The following CDH23 variants were observed in gnomAD, a reference collection of about 807,000 sequenced individuals.
The protein encoded by CDH23 is cadherin related 23.
A neutral mutation model predicts 317.1 loss-of-function variants in CDH23; 189 were observed. The ratio of observed to expected loss-of-function variants is 0.60; its 90% CI spans 0.53 to 0.67. The LOEUF is 0.67. Among genes scored for constraint, CDH23 ranks in the 30% least tolerant of loss-of-function variants. CDH23 has a pLI of 0.00. For synonymous variants in CDH23, 1,839 were observed against 1,876.8 expected, an observed-to-expected ratio of 0.98 and a Z score of 0.52; for missense variants, 4,401 against 4,592.4, an observed-to-expected ratio of 0.96 and a Z score of 1.20.
chr10:71,686,141 G>A (rs994112430), intron 18 of CDH23, among the ~76,000 whole-genome samples: 6 of 152,078 alleles, frequency 3.9e-5, no homozygotes, highest in Non-Finnish European at 8.8e-5. Flanking sequence ...AGAGCGAGCC[G>A]CTGATTTAGA....
intron 3 of CDH23, among the ~76,000 whole-genome samples, chr10:71,497,676 C>G (rs904741570): frequency 6.6e-6 from 1 of 152,162 alleles, no homozygotes; most frequent in African/African-American, 2.4e-5. Context: ...GAAAACAGAG[C>G]CTTAATATCG....
rs1049040581 is a variant in CDH23 at position 71,815,420 on chromosome 10, C to T, written c.*142C>T. Reference sequence around the variant, plus strand: ...ACCTTGGCTTGGCCCTGGCAGCCCGCATCAGCTGCTCAGATCCCACTTTTG... The same window carrying T: ...ACCTTGGCTTGGCCCTGGCAGCCCGTATCAGCTGCTCAGATCCCACTTTTG... On this transcript the variant is annotated 3_prime_UTR_variant, in exon 70 of 70. Transcript: ENST00000224721. The T allele has an allele frequency of 1.4e-6, 1 of 691,310 alleles. No individual in the cohort carries two copies. The highest frequency in any genetic ancestry group is 2.3e-6 in the Non-Finnish European group (1 of 430,712). 42.8% of individuals were successfully genotyped at this position (691,310 alleles called of 1,614,324 possible).
Position 71,706,971 on chromosome 10 carries a change from C to T in CDH23, c.3028C>T (p.Arg1010Cys), listed in dbSNP as rs727505173. ...TGTGTCTGTGTCCGAGGACGTGCCA[C>T]GCGAGTTCCGGGTGGTCTGGCTGAA... is the stretch of plus-strand genomic sequence containing the variant. ...YNVSVSEDVP[R>C]EFRVVWLNCT... Residue 1010 changes from arginine (R) to cysteine (C), a missense_variant, in exon 26 of 70, where the codon CGC becomes TGC. Around this residue, in one of 3 missense-constraint regions of CDH23, gnomAD observed 3,068 missense variants for 3,203.3 expected, o/e 0.96. Coordinates refer to ENST00000224721, the MANE Select transcript of CDH23 (RefSeq NM_022124.6). The T allele has an allele frequency of 1.4e-5, 23 of 1,607,194 alleles. No homozygotes were observed. Among genetic ancestry groups the T allele is most frequent in the East Asian group, 4.5e-5 (2 of 44,562 alleles).
At chr10:71,482,276 T>C (rs1852108539) in intron 3 of CDH23, among the ~76,000 whole-genome samples, 1 of 152,108 alleles carries the variant, frequency 6.6e-6, no homozygotes, top group African/African-American at 2.4e-5. Context: ...CTCTCCTTTC[T>C]CCCTTTGCAT....
intron 11 of CDH23, among the ~76,000 whole-genome samples, chr10:71,633,131 C>T (rs1862095651): frequency 6.6e-6 from 1 of 152,046 alleles, no homozygotes; most frequent in Admixed American, 6.6e-5. Flanking sequence ...TCCACTAATC[C>T]ATGAATGGAT....
At chr10:71,640,583 A>G (rs1862493982) in intron 11 of CDH23, among the ~76,000 whole-genome samples, 1 of 152,210 alleles carries the variant, frequency 6.6e-6, no homozygotes, top group Admixed American at 6.5e-5. Context: ...CCCCGTCTCT[A>G]CTAAAAATAC....
At chr10:71,575,953 A>C (rs1838897447) in intron 8 of CDH23, among the ~76,000 whole-genome samples, 2 of 152,076 alleles carry the variant, frequency 1.3e-5, no homozygotes, top group Non-Finnish European at 2.9e-5. Flanking sequence ...GAAACCCCAA[A>C]CTTTGCCAGG....
chr10:71,416,390 T>C (rs1848534699), intron 1 of CDH23, among the ~76,000 whole-genome samples: 1 of 152,216 alleles, frequency 6.6e-6, no homozygotes, highest in South Asian at 2.1e-4. Context: ...AGCTAGGACT[T>C]TGGAACACTT....
chr10:71,567,062 T>A, intron 7 of CDH23, 126 bp downstream of exon 7: 2 of 892,158 alleles, frequency 2.2e-6, no homozygotes, highest in Non-Finnish European at 3.4e-6. Context: ...ATAATTATAG[T>A]GGTGACAGTC....
chr10:71,740,748 C>A (rs1013349601), intron 36 of CDH23, 74 bp from the exon 37 acceptor site: 3 of 1,591,302 alleles, frequency 1.9e-6, no homozygotes, highest in Non-Finnish European at 1.7e-6. Context: ...GATTGCACAG[C>A]CCTTTTGGAC....
chr10:71,754,566 G>A (rs763745724), intron 38 of CDH23, among the ~76,000 whole-genome samples: 5 of 152,160 alleles, frequency 3.3e-5, no homozygotes, highest in Non-Finnish European at 7.4e-5. Flanking sequence ...TAGGCAAGGG[G>A]CACTGTCACC....
At chr10:71,481,262 G>C (rs963677810) in intron 3 of CDH23, among the ~76,000 whole-genome samples, 1 of 152,186 alleles carries the variant, frequency 6.6e-6, no homozygotes, top group Non-Finnish European at 1.5e-5. Flanking sequence ...CATTAAAAGG[G>C]AGGGAGTTCC....
intron 11 of CDH23, among the ~76,000 whole-genome samples, chr10:71,637,327 G>A (rs1427295470): frequency 6.6e-6 from 1 of 151,982 alleles, no homozygotes; most frequent in Non-Finnish European, 1.5e-5. Flanking sequence ...TTCTGGCCAT[G>A]GTCTAGAAAT....
chr10:71,667,485 G>A (rs1665635), intron 14 of CDH23, among the ~76,000 whole-genome samples: 106,433 of 151,036 alleles, frequency 0.7, 38,315 homozygotes, highest in East Asian at 0.9. Flanking sequence ...AAGTTTCTAG[G>A]AGAGTGTGCA....
At chr10:71,641,527 C>T (rs1862551157) in intron 11 of CDH23, among the ~76,000 whole-genome samples, 2 of 152,212 alleles carry the variant, frequency 1.3e-5, no homozygotes, top group Non-Finnish European at 2.9e-5. Flanking sequence ...ACACTCCGTG[C>T]CTTTGCTTAG....
chr10:71,574,223 T>C (rs1255428973), intron 8 of CDH23, among the ~76,000 whole-genome samples: 1 of 151,388 alleles, frequency 6.6e-6, no homozygotes, highest in African/African-American at 2.4e-5. Context: ...TGCCTCCCCC[T>C]ATCAGCGTAT....
At chr10:71,615,673 C>G (rs776428893) in intron 10 of CDH23, 57 bp downstream of exon 10, 2 of 1,270,278 alleles carry the variant, frequency 1.6e-6, no homozygotes, top group Non-Finnish European at 2.3e-6. Context: ...TACTCGGATG[C>G]CAACCTCCAG....
At chr10:71,569,382 CA>C (rs1338783513) in intron 7 of CDH23, among the ~76,000 whole-genome samples, 1 of 152,216 alleles carries the variant, frequency 6.6e-6, no homozygotes, top group Non-Finnish European at 1.5e-5. Context: ...TCATTCAAGT[CA>C]CCCCAGACAA....
chr10:71,416,225 A>G (rs1438659010), intron 1 of CDH23, among the ~76,000 whole-genome samples: 2 of 152,152 alleles, frequency 1.3e-5, no homozygotes, highest in Non-Finnish European at 2.9e-5. Flanking sequence ...TGGTTTTACC[A>G]TGTTGGCCAG....
Sources: gnomAD v4.1 joint callset for allele counts (sites outside exome capture counted in the v4.1 genomes callset) on GRCh38, gnomAD v4.1.1 for gene constraint, gnomAD v4.1.1 regional missense constraint, MANE v1.5 for transcripts, NCBI Gene and HGNC (gene_info 2026-07-23, HGNC 2026-07-21) for gene names.